The following CDH12 variants were observed in gnomAD, a reference collection of about 807,000 sequenced individuals.
The protein encoded by CDH12 is cadherin-12.
Under a neutral mutation model 74.1 loss-of-function variants are expected in CDH12, and 41 were observed. The ratio of observed to expected loss-of-function variants is 0.55; its 90% CI spans 0.43 to 0.72. The LOEUF is 0.72. Ranked by LOEUF, CDH12 falls within the 30% of genes least tolerant of loss-of-function variation. The probability of loss-of-function intolerance (pLI) is 0.00; values close to 1 mark genes in which losing one functional copy is unlikely to be tolerated. For missense variants in CDH12, 945 were observed against 977.2 expected (o/e 0.97, Z 0.44); for synonymous variants, 399 against 355.0 (o/e 1.12, Z -1.39).
At chr5:22,510,594 C>T (rs1318621937) in intron 1 of CDH12, among the ~76,000 whole-genome samples, 1 of 152,116 alleles carries the variant, frequency 6.6e-6, no homozygotes. Flanking sequence ...CACAGACGCT[C>T]AAGTCTTTTA....
In CDH12 at chr5:22,402,005, G is replaced by A. The variant is rs906116068; in HGVS notation, c.-333+3252C>T. On this transcript the variant is annotated intron_variant, in intron 3 of 14. Coordinates refer to ENST00000382254, the MANE Select transcript of CDH12 (RefSeq NM_004061.5). ...CCAGTCCGGCTAACACTTCATTTTG[G>A]CCTTCTGGCCTTCAGAACTTTGAGA... Among the ~76,000 whole-genome samples, 3 of 152,304 alleles carry A rather than the reference G, an allele frequency of 2.0e-5. No homozygotes were observed. The East Asian group carries it at 5.8e-4, about 29-fold the overall frequency.
rs1338491435 is a variant in CDH12 at position 22,476,798 on chromosome 5, C to T, written c.-428+28472G>A. On this transcript the variant is annotated intron_variant, in intron 2 of 14. Coordinates refer to ENST00000382254, the MANE Select transcript of CDH12 (RefSeq NM_004061.5). ...TTCACTATATAGGGTGAACTATACT[C>T]GATATTTGAATTTTAGAGTCAATTA... is the stretch of plus-strand genomic sequence containing the variant. 3.9e-5 allele frequency among the ~76,000 whole-genome samples: 6 copies of T among 152,134 alleles called. No individual in the cohort carries two copies. In the East Asian group the frequency reaches 7.7e-4, roughly 20 times the overall value.
intron 2 of CDH12, among the ~76,000 whole-genome samples, chr5:22,414,490 A>G (rs1283694914): frequency 6.6e-6 from 1 of 152,030 alleles, no homozygotes; most frequent in Admixed American, 6.5e-5. Context: ...GATAGACAAT[A>G]ATAGAATCTT....
At chr5:22,793,278 A>G (rs1241342738) in intron 1 of CDH12, among the ~76,000 whole-genome samples, 3 of 152,294 alleles carry the variant, frequency 2.0e-5, no homozygotes, top group Admixed American at 6.5e-5. Context: ...AAAGCTTCTT[A>G]CTGGTTTTGG....
At chr5:22,332,926 G>C (rs551203077) in intron 3 of CDH12, among the ~76,000 whole-genome samples, 38 of 152,132 alleles carry the variant, frequency 2.5e-4, no homozygotes, top group Non-Finnish European at 4.7e-4. Context: ...CAAGGATCTA[G>C]AACCAGAAAT....
chr5:22,477,066 C>CA (rs924404467), intron 2 of CDH12, among the ~76,000 whole-genome samples: 3 of 152,036 alleles, frequency 2.0e-5, no homozygotes, highest in Non-Finnish European at 2.9e-5. Flanking sequence ...CACGCATACA[C>CA]AAAAAACACC....
Position 22,220,857 on chromosome 5 carries a change from C to T in CDH12, c.-332-8214G>A, listed in dbSNP as rs376512725. Among the ~76,000 whole-genome samples, 7 of 151,804 alleles carry T rather than the reference C, an allele frequency of 4.6e-5. No homozygotes were observed. In the East Asian group the frequency reaches 1.2e-3, roughly 25 times the overall value. The stretch of plus-strand genomic sequence containing the variant: ...AATGCCTTAGGGTTGACTAGTGACA[C>T]GAGCTATATACTCATTCCCACTTCA... On this transcript the variant is annotated intron_variant, in intron 3 of 14. Coordinates refer to ENST00000382254, the MANE Select transcript of CDH12 (RefSeq NM_004061.5).
At chr5:22,830,200 C>T (rs989271149) in intron 1 of CDH12, among the ~76,000 whole-genome samples, 2 of 151,976 alleles carry the variant, frequency 1.3e-5, no homozygotes, top group Non-Finnish European at 2.9e-5. Context: ...AATCACAAGA[C>T]AAAATTTTCA....
intron 1 of CDH12, among the ~76,000 whole-genome samples, chr5:22,708,962 C>T (rs1325185620): frequency 6.6e-6 from 1 of 152,160 alleles, no homozygotes; most frequent in Non-Finnish European, 1.5e-5. Context: ...GGGGCTTGCA[C>T]TCCTGACAGA....
At chr5:22,117,523 A>ATATATATATAAT (rs1347655379) in intron 4 of CDH12, among the ~76,000 whole-genome samples, 3 of 65,582 alleles carry the variant, frequency 4.6e-5, no homozygotes, top group African/African-American at 1.8e-4. Flanking sequence ...ATATATATAT[A>ATATATATATAAT]ATATATATAT....
At chr5:22,215,612 C>A (rs1173727814) in intron 3 of CDH12, among the ~76,000 whole-genome samples, 4 of 152,060 alleles carry the variant, frequency 2.6e-5, no homozygotes, top group Non-Finnish European at 4.4e-5. Flanking sequence ...GAAAATAGCT[C>A]CACTCTAAGT....
At chr5:22,051,622 T>C (rs1740373877) in intron 5 of CDH12, among the ~76,000 whole-genome samples, 1 of 152,144 alleles carries the variant, frequency 6.6e-6, no homozygotes, top group African/African-American at 2.4e-5. Context: ...AATAATAATA[T>C]ACATGTGACA....
At chr5:22,618,753 G>C (rs1737811043) in intron 1 of CDH12, among the ~76,000 whole-genome samples, 1 of 152,008 alleles carries the variant, frequency 6.6e-6, no homozygotes, top group African/African-American at 2.4e-5. Context: ...AATCTCATCT[G>C]GAATATAATC....
chr5:22,394,813 A>C (rs1742389955), intron 3 of CDH12, among the ~76,000 whole-genome samples: 1 of 152,146 alleles, frequency 6.6e-6, no homozygotes, highest in African/African-American at 2.4e-5. Flanking sequence ...TCATATCCAA[A>C]GTCTCATGCA....
intron 3 of CDH12, among the ~76,000 whole-genome samples, chr5:22,384,649 G>A (rs1741924369): frequency 6.6e-6 from 1 of 151,968 alleles, no homozygotes; most frequent in Non-Finnish European, 1.5e-5. Flanking sequence ...AGTAACAACA[G>A]CTAGACTATT....
chr5:22,144,054 C>T (rs1337652009), intron 4 of CDH12: 1 of 152,046 alleles, frequency 6.6e-6, no homozygotes, highest in Non-Finnish European at 1.5e-5. Context: ...TATACTCTAA[C>T]ATCTGTATAT....
At chr5:22,063,528 C>A (rs1741340111) in intron 5 of CDH12, among the ~76,000 whole-genome samples, 1 of 152,054 alleles carries the variant, frequency 6.6e-6, no homozygotes. Flanking sequence ...TAAAACATTA[C>A]TTCCTTTGAG....
At chr5:21,913,580 AT>A (rs1470699343) in intron 6 of CDH12, among the ~76,000 whole-genome samples, 2 of 152,116 alleles carry the variant, frequency 1.3e-5, no homozygotes, top group African/African-American at 4.8e-5. Flanking sequence ...TTATAAATTA[AT>A]TTATTTTTAA....
intron 9 of CDH12, among the ~76,000 whole-genome samples, chr5:21,814,176 TG>T (rs1747913889): frequency 1.3e-5 from 2 of 150,968 alleles, no homozygotes; most frequent in African/African-American, 4.9e-5. Context: ...TGTGTGTGTG[TG>T]TGTGTGTGTT....
Sources: allele counts gnomAD v4.1 joint callset (sites outside exome capture counted in the v4.1 genomes callset), GRCh38; gene constraint gnomAD v4.1.1; transcripts MANE v1.5; gene names NCBI Gene and HGNC (gene_info 2026-07-23, HGNC 2026-07-21).